The following KDM6A variants were observed in gnomAD, a reference collection of about 807,000 sequenced individuals.
KDM6A encodes lysine-specific demethylase 6A.
KDM6A carries 11 observed loss-of-function variants against 117.6 expected under a neutral mutation model. The observed-to-expected ratio is 0.09, with a 90% confidence interval of 0.06 to 0.15. KDM6A has a LOEUF of 0.15. KDM6A is among the 10% of genes least tolerant of loss of function. The pLI is 1.00. For synonymous variants in KDM6A, 384 were observed against 396.1 expected (o/e 0.97, Z 0.36); for missense variants, 799 against 1,077.3 (o/e 0.74, Z 3.62).
At chrX:45,018,758 G>C (rs1277369960) in intron 5 of KDM6A, among the ~76,000 whole-genome samples, 1 of 109,779 alleles carries the variant, frequency 9.1e-6, no homozygotes, top group Non-Finnish European at 1.9e-5. Context: ...TCATATCTTT[G>C]ACTCAGGCCT....
At chrX:45,071,832 C>T (rs975342779) in intron 18 of KDM6A, among the ~76,000 whole-genome samples, 13 of 110,135 alleles carry the variant, frequency 1.2e-4, no homozygotes, top group African/African-American at 3.6e-4. Flanking sequence ...TGCAATGGCG[C>T]GATTTCAACT....
chrX:44,873,543 T>A lies in KDM6A; in HGVS notation c.-9T>A. 1.7e-6 allele frequency: 2 copies of A among 1,207,423 alleles called. No homozygotes were observed. Among genetic ancestry groups the A allele is most frequent in the Non-Finnish European group, 2.2e-6 (2 of 894,341 alleles). The stretch of plus-strand genomic sequence containing the variant: ...GTCGGCGTTGGAGTTGTGAATTCGC[T>A]GCGTTTCCATGAAATCCTGCGGAGT... On this transcript the variant is annotated 5_prime_UTR_variant, in exon 1 of 30. Transcript: ENST00000611820.
At position 45,038,239 on chromosome X, in the gene KDM6A, A is replaced by G. The variant is rs369880352; in HGVS notation, c.654+550A>G. Reference sequence around the variant, plus strand: ...CTCTGTCTCAAGAAAAAAAGAAACAACTGAACTTGATGTAGATCATTTGCA... The same window carrying G: ...CTCTGTCTCAAGAAAAAAAGAAACAGCTGAACTTGATGTAGATCATTTGCA... On this transcript the variant is annotated intron_variant, in intron 8 of 29. Transcript: ENST00000611820. Among the ~76,000 whole-genome samples the G allele has an allele frequency of 1.1e-4, 12 of 110,887 alleles. No homozygotes were observed. The East Asian group carries it at 2.3e-3, about 21-fold the overall frequency.
At chrX:45,097,014 A>G (rs1305713071) in intron 27 of KDM6A, among the ~76,000 whole-genome samples, 1 of 112,186 alleles carries the variant, frequency 8.9e-6, no homozygotes. Context: ...TACACCATGG[A>G]TTACTATACA....
intron 2 of KDM6A, among the ~76,000 whole-genome samples, chrX:44,936,606 T>C (rs1053946989): frequency 1.8e-5 from 2 of 112,001 alleles, no homozygotes; most frequent in African/African-American, 3.2e-5. Context: ...GAGTATCCCT[T>C]ATCTGAAATG....
At chrX:44,995,806 A>G (rs2040838309) in intron 4 of KDM6A, among the ~76,000 whole-genome samples, 1 of 111,603 alleles carries the variant, frequency 9.0e-6, no homozygotes, top group Non-Finnish European at 1.9e-5. Flanking sequence ...TGCTTTAATT[A>G]TAATCATTTC....
At chrX:45,045,932 AAC>A (rs1315276711) in intron 8 of KDM6A, among the ~76,000 whole-genome samples, 1 of 111,666 alleles carries the variant, frequency 9.0e-6, no homozygotes, top group African/African-American at 3.3e-5. Context: ...TTTTTTGAGA[AAC>A]AGTCATACTG....
chrX:45,022,743 C>T (rs1221175118), intron 6 of KDM6A, among the ~76,000 whole-genome samples: 4 of 111,588 alleles, frequency 3.6e-5, no homozygotes, highest in Non-Finnish European at 7.5e-5. Flanking sequence ...TGTTTTGTAG[C>T]ACAGTGTGTT....
intron 2 of KDM6A, among the ~76,000 whole-genome samples, chrX:44,916,018 T>G (rs1035354777): frequency 3.6e-5 from 4 of 111,468 alleles, no homozygotes; most frequent in African/African-American, 6.5e-5. Flanking sequence ...TGACATAACT[T>G]TTATCGTAAT....
At chrX:44,875,236 A>G (rs1264701962) in intron 2 of KDM6A, among the ~76,000 whole-genome samples, 1 of 112,428 alleles carries the variant, frequency 8.9e-6, no homozygotes, top group South Asian at 3.6e-4. Flanking sequence ...TAAGTCTAAC[A>G]TTTTATTCTT....
rs779979560 is a variant in KDM6A, at chrX:44,992,206, CTTTTTTTTTTTTTTTTTTTTTTTT to C, written c.384+17503_384+17526del. ...CGAAATTTAGCAATACTGTCTTCTT[CTTTTTTTTTTTTTTTTTTTTTTTT>C]TTTTTTTTTTTGAGACGGAGTTTTG... On this transcript the variant is annotated intron_variant, in intron 4 of 29. Transcript: ENST00000611820. Among the ~76,000 whole-genome samples the C allele has an allele frequency of 1.1e-3, 35 of 32,062 alleles. 1 individual carries two copies. In the Admixed American group the frequency reaches 0.019, roughly 17 times the overall value. The allele number at this position is 32,062 out of a possible 115,157, so 27.8% of individuals were successfully genotyped here. A position where few individuals can be genotyped will look rare whatever the true frequency, so the allele number is the denominator to read the frequency against.
rs768192697 is a variant in KDM6A at position 44,942,666 on chromosome X, C to T, written c.226-18618C>T. ...TTTGATTATGATGGCCTTTATATCTCTATATAAATATATATAAATAAAAAT... is the reference window on the plus strand; with the variant it reads ...TTTGATTATGATGGCCTTTATATCTTTATATAAATATATATAAATAAAAAT... On this transcript the variant is annotated intron_variant, in intron 2 of 29. Transcript: ENST00000611820. Among the ~76,000 whole-genome samples, 35 of 108,940 alleles carry T rather than the reference C, an allele frequency of 3.2e-4. No individual in the cohort carries two copies. The East Asian group carries it at 0.01, about 31-fold the overall frequency. The allele number at this position is 108,940 out of a possible 115,157, so 94.6% of individuals were successfully genotyped here.
At chrX:44,942,699 G>T (rs1204113899) in intron 2 of KDM6A, among the ~76,000 whole-genome samples, 1 of 109,123 alleles carries the variant, frequency 9.2e-6, no homozygotes, top group Non-Finnish European at 1.9e-5. Context: ...AATTAGGGGG[G>T]ATTGATATTA....
chrX:45,019,743 T>C (rs1046833638), intron 5 of KDM6A, among the ~76,000 whole-genome samples: 1 of 111,735 alleles, frequency 8.9e-6, no homozygotes, highest in African/African-American at 3.2e-5. Flanking sequence ...ATATCTGATA[T>C]AACCTTCAAA....
chrX:45,107,467 T>C lies in KDM6A; in HGVS notation c.4092T>C (p.Ala1364=). ...QCQTLREALI[A]AGKEIIWHGR... ...AGACATTGAGGGAAGCTCTCATTGCTGCAGGAAAAGAGATTATATGGCATG... is the reference window on the plus strand; with the variant it reads ...AGACATTGAGGGAAGCTCTCATTGCCGCAGGAAAAGAGATTATATGGCATG... The change falls in exon 28 of 30, where the codon GCT becomes GCC. Residue 1364 remains alanine, a synonymous_variant. Coordinates refer to ENST00000611820, the MANE Select transcript of KDM6A (RefSeq NM_001291415.2). The C allele has an allele frequency of 8.3e-7, 1 of 1,208,057 alleles. No individual in the cohort carries two copies. Among genetic ancestry groups the C allele is most frequent in the Non-Finnish European group, 1.1e-6 (1 of 892,005 alleles).
chrX:44,971,877 A>G (rs1010027923), intron 3 of KDM6A, among the ~76,000 whole-genome samples: 2 of 110,815 alleles, frequency 1.8e-5, no homozygotes, highest in African/African-American at 6.6e-5. Context: ...GCAAGGTCTG[A>G]TAAGTGAAGT....
chrX:44,971,778 A>C lies in KDM6A; in HGVS notation c.335-2888A>C, dbSNP rs149525611. Among the ~76,000 whole-genome samples the C allele has an allele frequency of 1.3e-4, 14 of 111,478 alleles. No individual in the cohort carries two copies. In the South Asian group the frequency reaches 5.3e-3, roughly 42 times the overall value. ...TGGTAGCAGCCAGATGAAGGAACTTACAGGAGGGTTTAGGTAAAGTTTGTT... is the reference window on the plus strand; with the variant it reads ...TGGTAGCAGCCAGATGAAGGAACTTCCAGGAGGGTTTAGGTAAAGTTTGTT... On this transcript the variant is annotated intron_variant, in intron 3 of 29. Transcript: ENST00000611820.
intron 4 of KDM6A, among the ~76,000 whole-genome samples, chrX:45,008,030 C>T (rs2041583144): frequency 1.8e-5 from 2 of 111,549 alleles, no homozygotes; most frequent in Admixed American, 9.5e-5. Context: ...GGAAAAATCA[C>T]CTCTAGTTTG....
intron 6 of KDM6A, among the ~76,000 whole-genome samples, chrX:45,023,638 T>C (rs1602611629): frequency 2.7e-5 from 3 of 112,019 alleles, no homozygotes; most frequent in South Asian, 3.7e-4. Flanking sequence ...TGTTTGTTTT[T>C]ATATGTGTGT....
Sources: allele counts gnomAD v4.1 joint callset (sites outside exome capture counted in the v4.1 genomes callset), GRCh38; gene constraint gnomAD v4.1.1; transcripts MANE v1.5; gene names NCBI Gene and HGNC (gene_info 2026-07-23, HGNC 2026-07-21).